PARP9: variants seen among roughly 807,000 people sequenced by gnomAD.
PARP9 encodes protein mono-ADP-ribosyltransferase PARP9.
In PARP9, 48 loss-of-function variants were observed where a neutral mutation model predicts 68.8. The observed-to-expected ratio is 0.70, with a 90% CI of 0.55 to 0.89. PARP9 has a LOEUF of 0.89. Ranked by LOEUF, PARP9 falls within the 40% of genes least tolerant of loss-of-function variation. The probability of loss-of-function intolerance (pLI) is 0.00; values close to 1 mark genes in which losing one functional copy is unlikely to be tolerated. For missense variants in PARP9, 806 were observed against 969.3 expected (o/e 0.83, Z 2.24); for synonymous variants, 309 against 333.8 (o/e 0.93, Z 0.81).
chr3:122,555,901 A>G lies in PARP9; in HGVS notation c.270T>C (p.Asp90=), dbSNP rs771156513. The change falls in exon 4 of 11, where the codon GAT becomes GAC. Residue 90 remains aspartate (D), a synonymous_variant. Transcript: ENST00000682323. The part of the protein sequence containing the change: ...TPRIELSVWK[D]DLTTHAVDAV... The stretch of plus-strand genomic sequence containing the variant: ...CATCAACAGCATGTGTGGTGAGGTC[A>G]TCTTTCCAGACTGATAACTCTATCC... 6.2e-7 allele frequency: 1 copy of G among 1,614,102 alleles called. No individual in the cohort carries two copies. Among genetic ancestry groups the G allele is most frequent in the Non-Finnish European group, 8.5e-7 (1 of 1,180,006 alleles).
Position 122,540,871 on chromosome 3 carries a change from G to A in PARP9, c.1385-19C>T. 1 of 1,583,106 alleles carries A rather than the reference G, an allele frequency of 6.3e-7. No homozygotes were observed. Among genetic ancestry groups the A allele is most frequent in the Non-Finnish European group, 8.6e-7 (1 of 1,166,486 alleles). On this transcript the variant is annotated intron_variant, in intron 7 of 10. Transcript: ENST00000682323. ...TGGGGGACTGAAATGACTATAATAAGCAACCATGGAAGACTAGCAGTTTTT... is the reference window on the plus strand; with the variant it reads ...TGGGGGACTGAAATGACTATAATAAACAACCATGGAAGACTAGCAGTTTTT...
chr3:122,549,899 C>T (rs1052367455), intron 6 of PARP9, among the ~76,000 whole-genome samples: 1 of 152,098 alleles, frequency 6.6e-6, no homozygotes, highest in African/African-American at 2.4e-5. Flanking sequence ...GAAGACAGGA[C>T]TTCACAGAAG....
rs149391146 is a variant in PARP9, at chr3:122,538,534, T to A, written c.1766-1461A>T. Among the ~76,000 whole-genome samples, 5 of 152,268 alleles carry A rather than the reference T, an allele frequency of 3.3e-5. No homozygotes were observed. The East Asian group carries it at 9.6e-4, about 29-fold the overall frequency. ...AACCTCTAAGGCTTCTATGGAATAA[T>A]ATGCTTAGTCCTCAACTACCAAAAG... On this transcript the variant is annotated intron_variant, in intron 8 of 10. Coordinates refer to ENST00000682323, the MANE Select transcript of PARP9 (RefSeq NM_001146105.2).
intron 1 of PARP9, among the ~76,000 whole-genome samples, chr3:122,560,544 G>A (rs1221721805): frequency 6.6e-6 from 1 of 152,000 alleles, no homozygotes. Context: ...CCGCCACCAC[G>A]CCCAGCTAAT....
At position 122,540,982 on chromosome 3, in the gene PARP9, C is replaced by T. The variant is rs2107616246; in HGVS notation, c.1385-130G>A. 5 of 1,065,628 alleles carry T rather than the reference C, an allele frequency of 4.7e-6. No individual in the cohort carries two copies. The East Asian group carries it at 1.3e-4, about 27-fold the overall frequency. The allele number at this position is 1,065,628 out of a possible 1,614,324, so 66.0% of individuals were successfully genotyped here. Reference sequence around the variant, plus strand: ...CTCAGCTCACTGCAAGCTCCGCCTCCCGGGTTCACGCCATTCTCCTGCCTC... The same window carrying T: ...CTCAGCTCACTGCAAGCTCCGCCTCTCGGGTTCACGCCATTCTCCTGCCTC... On this transcript the variant is annotated intron_variant, in intron 7 of 10. Transcript: ENST00000682323.
intron 8 of PARP9, among the ~76,000 whole-genome samples, chr3:122,538,252 T>A (rs754262730): frequency 1.4e-4 from 21 of 152,138 alleles, no homozygotes; most frequent in Non-Finnish European, 2.5e-4. Flanking sequence ...TCAACAAACA[T>A]TTGCCAAGCT....
chr3:122,529,872 C>A (rs750280950), intron 10 of PARP9, among the ~76,000 whole-genome samples: 25 of 151,834 alleles, frequency 1.6e-4, no homozygotes, highest in Non-Finnish European at 2.9e-4. Flanking sequence ...CGGAGTGCCT[C>A]CTAACCTCAT....
At chr3:122,529,263 C>G (rs1305081851) in intron 10 of PARP9, among the ~76,000 whole-genome samples, 1 of 141,398 alleles carries the variant, frequency 7.1e-6, no homozygotes, top group South Asian at 2.2e-4. Flanking sequence ...AAAAAAGAAC[C>G]ATTAGTGTTC....
At chr3:122,552,145 C>A (rs554512312) in intron 5 of PARP9, among the ~76,000 whole-genome samples, 1 of 152,122 alleles carries the variant, frequency 6.6e-6, no homozygotes, top group African/African-American at 2.4e-5. Context: ...GTCTCAGACT[C>A]CTGGGCTCAA....
At chr3:122,547,930 G>T (rs755493216) in intron 6 of PARP9, among the ~76,000 whole-genome samples, 4 of 152,166 alleles carry the variant, frequency 2.6e-5, no homozygotes, top group Non-Finnish European at 5.9e-5. Context: ...ATAATCCTCT[G>T]CATGGGAAAC....
At chr3:122,564,742 G>A (rs149351911), upstream of PARP9, 53 of 1,192,104 alleles carry the variant, frequency 4.4e-5, no homozygotes, top group East Asian at 1.3e-3. Flanking sequence ...GTGGCGGACA[G>A]GGACGGGGCC....
chr3:122,564,504 G>A, upstream of PARP9: 1 of 1,612,868 alleles, frequency 6.2e-7, no homozygotes, highest in Non-Finnish European at 8.5e-7. Context: ...GAAGGAAGCT[G>A]GAGAGCTACT....
rs780322545 is a variant in PARP9, at chr3:122,540,496, C to T, written c.1741G>A (p.Glu581Lys). The change falls in exon 8 of 11, where the codon GAG becomes AAG. Residue 581 changes from glutamate (E) to lysine (K), a missense_variant. This residue lies in a region of PARP9 where 680 missense variants were observed against 858.8 expected (regional missense o/e 0.79). Transcript: ENST00000682323. ...KVQEEMARKK[E>K]RGLWRSLGQW... ...CCTAACGAGCGCCAAAGGCCTCGCT[C>T]CTTTTTCCTTGCCATTTCCTCCTGT... 1 of 1,613,840 alleles carries T rather than the reference C, an allele frequency of 6.2e-7. No individual in the cohort carries two copies. Among genetic ancestry groups the T allele is most frequent in the East Asian group, 2.2e-5 (1 of 44,876 alleles).
intron 7 of PARP9, among the ~76,000 whole-genome samples, chr3:122,543,607 G>T: frequency 6.6e-6 from 1 of 151,916 alleles, no homozygotes; most frequent in East Asian, 1.9e-4. Flanking sequence ...ACCTTTCCTT[G>T]ATAATCTGAG....
chr3:122,561,951 A>T (rs1369971313), intron 1 of PARP9, among the ~76,000 whole-genome samples: 1 of 151,854 alleles, frequency 6.6e-6, no homozygotes, highest in African/African-American at 2.4e-5. Flanking sequence ...TCCATACTTT[A>T]TCTCCTGGAT....
intron 3 of PARP9, 66 bp downstream of exon 3, chr3:122,558,368 T>C (rs746680982): frequency 1.2e-6 from 2 of 1,614,040 alleles, no homozygotes; most frequent in African/African-American, 1.3e-5. Context: ...GTATTCCCCT[T>C]TCTCCACTGA....
intron 7 of PARP9, among the ~76,000 whole-genome samples, chr3:122,543,891 TTGA>T (rs1378002757): frequency 2.2e-4 from 33 of 152,346 alleles, no homozygotes; most frequent in Non-Finnish European, 4.0e-4. Context: ...GATTACAGGC[TTGA>T]GCCGCCATGT....
chr3:122,555,575 A>C lies in PARP9; in HGVS notation c.596T>G (p.Val199Gly), dbSNP rs1248235095. 6.2e-7 allele frequency: 1 copy of C among 1,614,162 alleles called. No homozygotes were observed. The change falls in exon 4 of 11, where the codon GTA becomes GGA. Residue 199 changes from valine to glycine, a missense_variant. Transcript: ENST00000682323. ...VIYKNTHIKT[V>G]AIPALSSGIF... ...CCCAGAGCTCAAGGCTGGAATTGCT[A>C]CTGTCTTAATGTGAGTATTTTTATA...
chr3:122,535,175 G>C, intron 10 of PARP9: 1 of 985,406 alleles, frequency 1.0e-6, no homozygotes, highest in Non-Finnish European at 1.2e-6. Flanking sequence ...GGAAATTATA[G>C]ATTTTTTAAG....
Sources: gnomAD v4.1 joint callset for allele counts (sites outside exome capture counted in the v4.1 genomes callset) on GRCh38, gnomAD v4.1.1 for gene constraint, gnomAD v4.1.1 regional missense constraint, MANE v1.5 for transcripts, NCBI Gene and HGNC (gene_info 2026-07-23, HGNC 2026-07-21) for gene names.